The following SPATA6 variants were observed in gnomAD, a reference collection of about 807,000 sequenced individuals.
The protein encoded by SPATA6 is spermatogenesis associated 6.
In SPATA6, 56 loss-of-function variants were observed where a neutral mutation model predicts 65.3. That is an observed-to-expected ratio of 0.86 (90% confidence interval 0.69 to 1.07). The LOEUF is 1.07. Ranked by LOEUF, SPATA6 falls within the 50% of genes least tolerant of loss-of-function variation. The probability of loss-of-function intolerance (pLI) is 0.00; values close to 1 mark genes in which losing one functional copy is unlikely to be tolerated. For synonymous variants in SPATA6, 199 were observed against 213.2 expected (o/e 0.93, Z 0.58); for missense variants, 590 against 594.8 (o/e 0.99, Z 0.08).
In SPATA6 at chr1:48,445,549, A is replaced by C. The variant is rs571333562; in HGVS notation, c.238+6003T>G. Among the ~76,000 whole-genome samples the C allele has an allele frequency of 8.7e-5, 13 of 150,034 alleles. 1 individual carries two copies. The South Asian group carries it at 2.7e-3, about 32-fold the overall frequency. Reference sequence around the variant, plus strand: ...GTGGCAGGCGCCTGTAGTCCCAGCTACTCGGGAGGCTGAGGCAGGAGAATG... The same window carrying C: ...GTGGCAGGCGCCTGTAGTCCCAGCTCCTCGGGAGGCTGAGGCAGGAGAATG... On this transcript the variant is annotated intron_variant, in intron 3 of 12. Coordinates refer to ENST00000371847, the MANE Select transcript of SPATA6 (RefSeq NM_019073.4).
At chr1:48,396,555 C>T (rs2787881) in intron 7 of SPATA6, among the ~76,000 whole-genome samples, 147,689 of 151,812 alleles carry the variant, frequency 0.97, 71,966 homozygotes, top group East Asian at 1. Context: ...AAATGTAGTA[C>T]ATACATATAA....
At chr1:48,404,492 C>T (rs1375109998) in intron 5 of SPATA6, among the ~76,000 whole-genome samples, 5 of 152,024 alleles carry the variant, frequency 3.3e-5, no homozygotes. Context: ...ACAGGATACA[C>T]CACCACATTC....
chr1:48,449,247 G>A (rs1228309275), intron 3 of SPATA6, among the ~76,000 whole-genome samples: 1 of 152,084 alleles, frequency 6.6e-6, no homozygotes, highest in Non-Finnish European at 1.5e-5. Flanking sequence ...GATCTCAAGG[G>A]ATACTACAGC....
intron 11 of SPATA6, among the ~76,000 whole-genome samples, chr1:48,351,829 G>A (rs1646520444): frequency 6.6e-6 from 1 of 151,932 alleles, no homozygotes; most frequent in South Asian, 2.1e-4. Context: ...TCTATTTTCA[G>A]GGATGTGCAA....
In SPATA6 at chr1:48,325,694, C is replaced by A. The variant is rs537861196; in HGVS notation, c.1195-19816G>T. ...GCCCCTGAGTTAATCATCCTCTTCA[C>A]CCGTCTTCTCAATTCCTTTCAGAGC... is the stretch of plus-strand genomic sequence containing the variant. On this transcript the variant is annotated intron_variant, in intron 11 of 12. Transcript: ENST00000371847. 2.8e-5 allele frequency: 16 copies of A among 573,324 alleles called. No individual in the cohort carries two copies. In the African/African-American group the frequency reaches 3.0e-4, roughly 11 times the overall value. The allele number at this position is 573,324 out of a possible 1,614,324, so 35.5% of individuals were successfully genotyped here. A position where few individuals can be genotyped will look rare whatever the true frequency, so the allele number is the denominator to read the frequency against.
rs201529843 is a variant in SPATA6, at chr1:48,403,851, G to A, written c.437C>T (p.Thr146Ile). Residue 146 changes from threonine (T) to isoleucine (I), a missense_variant, in exon 6 of 13, where the codon ACT becomes ATT. By Grantham distance (89) the Thr-to-Ile change is moderately conservative. Coordinates refer to ENST00000371847, the MANE Select transcript of SPATA6 (RefSeq NM_019073.4). ...TATCAGACATTCAGTAATCACTGAAGTCGTAGAAAATTCCAGCCTTGGAGC... is the reference window on the plus strand; with the variant it reads ...TATCAGACATTCAGTAATCACTGAAATCGTAGAAAATTCCAGCCTTGGAGC... ...GNAPRLEFST[T>I]SVITECLISS... The A allele has an allele frequency of 5.0e-6, 8 of 1,610,464 alleles. No homozygotes were observed. In the Admixed American group the frequency reaches 8.4e-5, roughly 17 times the overall value.
chr1:48,325,301 G>A, intron 11 of SPATA6: 1 of 1,102,400 alleles, frequency 9.1e-7, no homozygotes, highest in Non-Finnish European at 1.3e-6. Flanking sequence ...GAAACTGGGA[G>A]CCTGCTTCAC....
intron 3 of SPATA6, among the ~76,000 whole-genome samples, chr1:48,420,408 G>A (rs1056803538): frequency 2.9e-4 from 44 of 152,206 alleles, no homozygotes; most frequent in African/African-American, 9.7e-4. Context: ...CTTCAAGCCA[G>A]TCAGGAGGAA....
At chr1:48,383,225 AG>A (rs1648968721) in intron 9 of SPATA6, among the ~76,000 whole-genome samples, 1 of 62,146 alleles carries the variant, frequency 1.6e-5, no homozygotes, top group Non-Finnish European at 3.9e-5. Flanking sequence ...GGCCGGGCAG[AG>A]GGGCTCCTCA....
the SPATA6 span, among the ~76,000 whole-genome samples, chr1:48,272,610 C>T: frequency 1.1e-4 from 17 of 152,094 alleles, no homozygotes; most frequent in Admixed American, 7.9e-4. Context: ...AGGTTGATTC[C>T]ATATCTTGGC....
At chr1:48,416,391 T>G (rs1044024950) in intron 3 of SPATA6, among the ~76,000 whole-genome samples, 2 of 152,118 alleles carry the variant, frequency 1.3e-5, no homozygotes, top group Admixed American at 6.6e-5. Flanking sequence ...AAAATAATGA[T>G]GTATGAAAAA....
chr1:48,469,661 A>G (rs1658081743), intron 1 of SPATA6, among the ~76,000 whole-genome samples: 2 of 152,238 alleles, frequency 1.3e-5, no homozygotes, highest in African/African-American at 4.8e-5. Context: ...TGTAAATGTA[A>G]AAAGGAAATA....
intron 12 of SPATA6, among the ~76,000 whole-genome samples, chr1:48,300,037 G>A (rs532709987): frequency 4.2e-4 from 64 of 152,250 alleles, no homozygotes; most frequent in South Asian, 3.1e-3. Context: ...GAGAGCGAGC[G>A]CATGCAAGAG....
downstream of SPATA6, among the ~76,000 whole-genome samples, chr1:48,291,060 C>T (rs932036595): frequency 2.6e-5 from 4 of 152,198 alleles, no homozygotes; most frequent in African/African-American, 4.8e-5. Flanking sequence ...CTCAGCACCA[C>T]GTCGCACTTA....
intron 9 of SPATA6, among the ~76,000 whole-genome samples, chr1:48,369,099 G>T (rs1647139676): frequency 6.6e-6 from 1 of 152,178 alleles, no homozygotes; most frequent in South Asian, 2.1e-4. Flanking sequence ...GGTGGCTGCA[G>T]AACAGCGGAT....
intron 11 of SPATA6, among the ~76,000 whole-genome samples, chr1:48,349,265 T>C (rs970444661): frequency 3.3e-5 from 5 of 151,972 alleles, no homozygotes; most frequent in African/African-American, 1.2e-4. Context: ...AGGGATGCTA[T>C]GACCTAAAAA....
intron 3 of SPATA6, among the ~76,000 whole-genome samples, chr1:48,425,183 G>A (rs1653722133): frequency 6.6e-6 from 1 of 152,026 alleles, no homozygotes; most frequent in African/African-American, 2.4e-5. Context: ...TGAGAGATAG[G>A]GAACTAGTTT....
chr1:48,314,522 T>A (rs1252535276), intron 11 of SPATA6, among the ~76,000 whole-genome samples: 1 of 152,118 alleles, frequency 6.6e-6, no homozygotes, highest in South Asian at 2.1e-4. Flanking sequence ...TACCAGAATC[T>A]CTGGGACACA....
chr1:48,340,624 CAAAT>C lies in SPATA6; in HGVS notation c.1194+15042_1194+15045del, dbSNP rs536215073. Among the ~76,000 whole-genome samples, 828 of 151,124 alleles carry C rather than the reference CAAAT, an allele frequency of 5.5e-3. 3 individuals carry two copies. The highest frequency in any genetic ancestry group is 9.2e-3 in the Non-Finnish European group (620 of 67,668). ...AAAAAGAACAAAACTATCTTATTGT[CAAAT>C]AAAGTATGAAGGAGATAAAAAAAGA... On this transcript the variant is annotated intron_variant, in intron 11 of 12. Coordinates refer to ENST00000371847, the MANE Select transcript of SPATA6 (RefSeq NM_019073.4).
Sources: gnomAD v4.1 joint callset for allele counts (sites outside exome capture counted in the v4.1 genomes callset) on GRCh38, gnomAD v4.1.1 for gene constraint, MANE v1.5 for transcripts, NCBI Gene and HGNC (gene_info 2026-07-23, HGNC 2026-07-21) for gene names.